FGFR1: variants seen among roughly 807,000 people sequenced by gnomAD.
FGFR1 encodes the protein fibroblast growth factor receptor 1, also known as FGFR1/PLAG1 fusion.
FGFR1 carries 18 observed loss-of-function variants against 93.7 expected under a neutral mutation model. The ratio of observed to expected loss-of-function variants is 0.19; its 90% CI spans 0.13 to 0.28. The LOEUF is 0.28. Ranked by LOEUF, FGFR1 falls within the 10% of genes least tolerant of loss-of-function variation. The pLI, the probability that FGFR1 is intolerant of heterozygous loss-of-function variation, is 1.00. For missense variants in FGFR1, 731 were observed against 1,080.4 expected, an observed-to-expected ratio of 0.68 and a Z score of 4.53; for synonymous variants, 448 against 429.3, an observed-to-expected ratio of 1.04 and a Z score of -0.54.
In FGFR1 at chr8:38,419,625, T is replaced by C. The variant is rs1164263883; in HGVS notation, c.1192A>G (p.Lys398Glu). ...SCMVGSVIVY[K>E]MKSGTKKSDF... is the part of the protein sequence containing the mutation. ...CTCTTCTTGGTACCACTCTTCATCT[T>C]GTAGACGATGACCGACCCCACCATG... The change falls in exon 9 of 18, where the codon AAG becomes GAG. Residue 398 changes from lysine (K) to glutamate (E), a missense_variant. Lys to Glu is a moderately conservative substitution (Grantham distance 56). Around this residue, in one of 10 missense-constraint regions of FGFR1, gnomAD observed 146 missense variants for 173.0 expected, o/e 0.84. Coordinates refer to ENST00000447712, the MANE Select transcript of FGFR1 (RefSeq NM_023110.3). 1 of 1,614,094 alleles carries C rather than the reference T, an allele frequency of 6.2e-7. No individual in the cohort carries two copies. Among genetic ancestry groups the C allele is most frequent in the Non-Finnish European group, 8.5e-7 (1 of 1,180,000 alleles).
rs2150711353 is a variant in FGFR1 at position 38,419,659 on chromosome 8, G to A, written c.1158C>T (p.Leu386=). The A allele has an allele frequency of 1.2e-6, 2 of 1,614,134 alleles. No individual in the cohort carries two copies. Among genetic ancestry groups the A allele is most frequent in the Non-Finnish European group, 1.7e-6 (2 of 1,180,008 alleles). Residue 386 remains leucine (L), a synonymous_variant, in exon 9 of 18, where the codon CTC becomes CTT. Coordinates refer to ENST00000447712, the MANE Select transcript of FGFR1 (RefSeq NM_023110.3). ...EIIIYCTGAF[L]ISCMVGSVIV... The stretch of plus-strand genomic sequence containing the variant: ...TGACCGACCCCACCATGCAGGAGAT[G>A]AGGAAGGCCCCTGTGCAATAGATGA...
rs2150505004 is a variant in FGFR1 at position 38,413,660 on chromosome 8, G to A, written c.2437C>T (p.Gln813Ter). The change falls in exon 18 of 18, where the codon CAG becomes TAG. Residue 813 changes from glutamine to a stop codon, truncating the protein, a stop_gained. Coordinates refer to ENST00000447712, the MANE Select transcript of FGFR1 (RefSeq NM_023110.3). LOFTEE classifies it high-confidence loss of function. The surrounding 1 kb of genome is among the most constrained non-coding windows in gnomAD (Gnocchi z 4.2). ...EEPCLPRHPA[Q>*]LANGGLKRR ...CGTTTGAGTCCGCCATTGGCAAGCTGGGCTGGGTGTCGGGGCAGGCAGGGC... is the reference window on the plus strand; with the variant it reads ...CGTTTGAGTCCGCCATTGGCAAGCTAGGCTGGGTGTCGGGGCAGGCAGGGC... 3.7e-6 allele frequency: 6 copies of A among 1,613,182 alleles called. No individual in the cohort carries two copies. The highest frequency in any genetic ancestry group is 5.1e-6 in the Non-Finnish European group (6 of 1,179,748).
intron 2 of FGFR1, among the ~76,000 whole-genome samples, chr8:38,444,051 C>CAAAAAAAAAA (rs746296068): frequency 1.5e-4 from 11 of 74,348 alleles, no homozygotes; most frequent in African/African-American, 3.5e-4. Flanking sequence ...GAAACTGTCT[C>CAAAAAAAAAA]AAAAAAAAAA....
In FGFR1 at chr8:38,413,430, C is replaced by T; in HGVS notation, c.*198G>A. 4.9e-6 allele frequency: 3 copies of T among 607,852 alleles called. No homozygotes were observed. The South Asian group carries it at 6.1e-5, about 12-fold the overall frequency. The allele number at this position is 607,852 out of a possible 1,614,324, so 37.7% of individuals were successfully genotyped here. A position where few individuals can be genotyped will look rare whatever the true frequency, so the allele number is the denominator to read the frequency against. On this transcript the variant is annotated 3_prime_UTR_variant, in exon 18 of 18. Transcript: ENST00000447712. This position sits in a 1 kb window ranked among gnomAD's most constrained non-coding sequence, Gnocchi z 4.2. The stretch of plus-strand genomic sequence containing the variant: ...CAAAGATCTGCCTCTTTGCACCTCT[C>T]ACCAGCAGGTGGAGAGGAGGTGGAG...
Position 38,429,399 on chromosome 8 carries a change from GA to G in FGFR1, c.358+282del. On this transcript the variant is annotated intron_variant, in intron 3 of 17. Transcript: ENST00000447712. The surrounding 1 kb of genome is among the most constrained non-coding windows in gnomAD (Gnocchi z 4.4). The stretch of plus-strand genomic sequence containing the variant: ...CTGGAGATCTGGGCAAGCTGTGGTG[GA>G]AAAAAATCACAGGGTCTTAACATCC... The G allele has an allele frequency of 2.9e-6, 2 of 690,374 alleles. No individual in the cohort carries two copies. The highest frequency in any genetic ancestry group is 2.8e-5 in the East Asian group (1 of 35,142). 42.8% of individuals were successfully genotyped at this position (690,374 alleles called of 1,614,324 possible).
intron 7 of FGFR1, chr8:38,423,317 T>G: frequency 3.7e-6 from 2 of 546,868 alleles, no homozygotes; most frequent in Middle Eastern, 4.9e-4. Context: ...TTTTAGTTTT[T>G]TTTTTTTTTT....
intron 8 of FGFR1, 52 bp from the exon 9 acceptor site, chr8:38,419,787 G>T (rs759566375): frequency 6.6e-7 from 1 of 1,508,992 alleles, no homozygotes; most frequent in South Asian, 1.1e-5. Context: ...CCGTCCATGC[G>T]AGGTCCCGCT....
chr8:38,466,834 A>G (rs577037797), intron 1 of FGFR1: 62 of 209,922 alleles, frequency 3.0e-4, no homozygotes, highest in African/African-American at 1.4e-3. Context: ...GCACCGTGGT[A>G]ATGTTTTTCA....
At chr8:38,425,841 A>T in intron 6 of FGFR1, 1 of 482,384 alleles carries the variant, frequency 2.1e-6, no homozygotes, top group Non-Finnish European at 3.8e-6. Flanking sequence ...TACATTTAAC[A>T]CCTCTCCAAC....
intron 2 of FGFR1, among the ~76,000 whole-genome samples, chr8:38,443,597 C>T (rs541437896): frequency 3.1e-4 from 47 of 152,032 alleles, no homozygotes; most frequent in African/African-American, 7.2e-4. Context: ...CTCTTGAGCC[C>T]GGGAGGTCGA....
At chr8:38,447,101 A>G (rs1829553650) in intron 2 of FGFR1, among the ~76,000 whole-genome samples, 2 of 5,298 alleles carry the variant, frequency 3.8e-4, no homozygotes, top group African/African-American at 2.1e-3. Context: ...GCAAGCAAAC[A>G]CACACACACA....
chr8:38,412,981 T>G lies in FGFR1; in HGVS notation c.*647A>C, dbSNP rs1814884415. ...TAAATATATACTCAGATTTATACACTTTGTGTTTTCTTCATAGCTATATAC... is the reference window on the plus strand; with the variant it reads ...TAAATATATACTCAGATTTATACACGTTGTGTTTTCTTCATAGCTATATAC... On this transcript the variant is annotated 3_prime_UTR_variant, in exon 18 of 18. Coordinates refer to ENST00000447712, the MANE Select transcript of FGFR1 (RefSeq NM_023110.3). The G allele has an allele frequency of 4.3e-6, 1 of 233,632 alleles. No individual in the cohort carries two copies. The highest frequency in any genetic ancestry group is 5.6e-5 in the Admixed American group (1 of 17,790). The allele number at this position is 233,632 out of a possible 1,614,324, so 14.5% of individuals were successfully genotyped here. A position where few individuals can be genotyped will look rare whatever the true frequency, so the allele number is the denominator to read the frequency against.
rs17175933 is a variant in FGFR1, at chr8:38,425,449, C to T, written c.745+673G>A. 3.5e-3 allele frequency among the ~76,000 whole-genome samples: 539 copies of T among 152,258 alleles called. 4 individuals are homozygous for T. The highest frequency in any genetic ancestry group is 0.012 in the African/African-American group (511 of 41,554). The stretch of plus-strand genomic sequence containing the variant: ...AGGCGTGAGTAATCCCATCATGCCA[C>T]CTGGAGCTCATAAGCCACTGCTCCT... On this transcript the variant is annotated intron_variant, in intron 6 of 17. Transcript: ENST00000447712.
intron 1 of FGFR1, chr8:38,461,395 C>T (rs1363552817): frequency 2.2e-6 from 1 of 453,952 alleles, no homozygotes; most frequent in Non-Finnish European, 3.9e-6. Flanking sequence ...AGTGCAGTGG[C>T]ACGATCTCAA....
intron 8 of FGFR1, 50 bp downstream of exon 8, chr8:38,421,747 C>G: frequency 6.2e-7 from 1 of 1,602,450 alleles, no homozygotes; most frequent in Non-Finnish European, 8.6e-7. Flanking sequence ...ATGCTCCCCC[C>G]GTGCCCGTGG....
intron 1 of FGFR1, among the ~76,000 whole-genome samples, chr8:38,466,863 G>A (rs1486050523): frequency 6.9e-6 from 1 of 145,306 alleles, no homozygotes; most frequent in African/African-American, 2.6e-5. Flanking sequence ...GATAGCTTCT[G>A]GGCTCAGAAC....
intron 2 of FGFR1, among the ~76,000 whole-genome samples, chr8:38,439,294 C>T (rs1826530215): frequency 6.6e-6 from 1 of 152,102 alleles, no homozygotes; most frequent in Admixed American, 6.6e-5. Context: ...GGGTGGCCCA[C>T]TCCAGGTCTG....
At chr8:38,458,745 C>T (rs1480739091) in intron 1 of FGFR1, 1 of 219,630 alleles carries the variant, frequency 4.6e-6, no homozygotes, top group Non-Finnish European at 9.1e-6. Context: ...AAATAAATGA[C>T]CTCCTGGGTA....
At chr8:38,421,987 A>G (rs2150762059) in intron 7 of FGFR1, 46 bp from the exon 8 acceptor site, 1 of 1,610,222 alleles carries the variant, frequency 6.2e-7, no homozygotes, top group Non-Finnish European at 8.5e-7. Context: ...AGGACATGAG[A>G]CCTCTAAGAG....
Sources: gnomAD v4.1 joint callset for allele counts (sites outside exome capture counted in the v4.1 genomes callset) on GRCh38, gnomAD v4.1.1 for gene constraint, gnomAD v4.1.1 regional missense constraint, Gnocchi (gnomAD v3.1) non-coding constraint, MANE v1.5 for transcripts, NCBI Gene and HGNC (gene_info 2026-07-23, HGNC 2026-07-21) for gene names.